Variants in ESR1 observed in about 807,000 individuals in gnomAD.
ESR1 encodes estrogen receptor.
A neutral mutation model predicts 52.7 loss-of-function variants in ESR1; 12 were observed. That is an observed-to-expected ratio of 0.23 (90% CI 0.15 to 0.37). The LOEUF is 0.37. Among genes scored for constraint, ESR1 ranks in the 10% least tolerant of loss-of-function variants. ESR1 has a pLI of 1.00. For missense variants in ESR1, 584 were observed against 779.7 expected (o/e 0.75, Z 2.99); for synonymous variants, 305 against 316.8 (o/e 0.96, Z 0.39).
chr6:152,060,907 A>C, intron 5 of ESR1, 84 bp from the exon 6 acceptor site: 1 of 1,119,532 alleles, frequency 8.9e-7, no homozygotes, highest in East Asian at 2.6e-5. Context: ...ATTTTTATGA[A>C]TGTGAACCCT....
At chr6:151,823,709 A>G (rs1430465278) in intron 1 of ESR1, among the ~76,000 whole-genome samples, 2 of 151,474 alleles carry the variant, frequency 1.3e-5, no homozygotes, top group Admixed American at 6.6e-5. Flanking sequence ...CCTATGAGTG[A>G]GAACATGCGG....
chr6:151,715,166 C>T (rs908587882), intron 2 of ESR1, among the ~76,000 whole-genome samples: 1 of 152,130 alleles, frequency 6.6e-6, no homozygotes, highest in Non-Finnish European at 1.5e-5. Context: ...ATATTGGCCC[C>T]CACTCTCTTC....
intron 5 of ESR1, among the ~76,000 whole-genome samples, chr6:152,028,603 G>A (rs981460750): frequency 5.3e-5 from 8 of 152,162 alleles, no homozygotes; most frequent in African/African-American, 1.4e-4. Context: ...GGGGACGGGC[G>A]CCTGCCATTG....
intron 4 of ESR1, among the ~76,000 whole-genome samples, chr6:151,996,032 C>T (rs1323942101): frequency 6.6e-6 from 1 of 152,192 alleles, no homozygotes; most frequent in Non-Finnish European, 1.5e-5. Context: ...CTTAAGTACT[C>T]ACAGCTGCAT....
At chr6:151,670,736 G>A (rs142475994) in intron 1 of ESR1, among the ~76,000 whole-genome samples, 1,467 of 144,602 alleles carry the variant, frequency 0.01, 10 homozygotes, top group Non-Finnish European at 0.015. Flanking sequence ...GGCTTGCGCC[G>A]TTACACCCAG....
At chr6:151,709,629 CT>C (rs897343357) in intron 2 of ESR1, among the ~76,000 whole-genome samples, 59 of 152,160 alleles carry the variant, frequency 3.9e-4, no homozygotes, top group African/African-American at 1.4e-3. Context: ...CACTTTTAAT[CT>C]TTTGTCCTTT....
rs114108220 is a variant in ESR1 at position 151,781,985 on chromosome 6, C to T, written c.-70-25858C>T. Among the ~76,000 whole-genome samples, 97 of 152,234 alleles carry T rather than the reference C, an allele frequency of 6.4e-4. 1 individual carries two copies. Among genetic ancestry groups the T allele is most frequent in the African/African-American group, 2.2e-3 (93 of 41,540 alleles). ...GAAATAATAACTAAAATACTAAGGA[C>T]GAGATGCACATGGGAAAAGTTCTTC... On this transcript the variant is annotated intron_variant, in intron 2 of 2. Transcript: ENST00000404742.
chr6:151,696,514 ATAAATAAG>A (rs1388397593), intron 1 of ESR1, among the ~76,000 whole-genome samples: 2 of 136,348 alleles, frequency 1.5e-5, no homozygotes, highest in East Asian at 2.0e-4. Context: ...AAATAAATAA[ATAAATAAG>A]TAGTGCCTCG....
At chr6:151,682,180 C>A (rs1157117461) in intron 1 of ESR1, among the ~76,000 whole-genome samples, 1 of 152,174 alleles carries the variant, frequency 6.6e-6, no homozygotes, top group East Asian at 1.9e-4. Flanking sequence ...TTTTCATAGC[C>A]TGTTGTTTAA....
At position 151,972,875 on chromosome 6, in the gene ESR1, TAA is replaced by T. The variant is rs532820297; in HGVS notation, c.1096+28368_1096+28369del. Among the ~76,000 whole-genome samples the T allele has an allele frequency of 2.3e-4, 35 of 152,226 alleles. No homozygotes were observed. In the East Asian group the frequency reaches 6.0e-3, roughly 26 times the overall value. On this transcript the variant is annotated intron_variant, in intron 4 of 7. Transcript: ENST00000206249. ...AGCCTTCAGTCTGTGGTTGAAGGTA[TAA>T]GAGTCCCAAAGCTGAAGAACTTCAC...
intron 5 of ESR1, among the ~76,000 whole-genome samples, chr6:152,054,356 G>A (rs570014128): frequency 2.6e-5 from 4 of 152,048 alleles, no homozygotes; most frequent in South Asian, 2.1e-4. Flanking sequence ...GCCTAACACC[G>A]AGGATCATTT....
chr6:151,884,031 G>T (rs1300640046), intron 3 of ESR1, among the ~76,000 whole-genome samples: 1 of 152,172 alleles, frequency 6.6e-6, no homozygotes, highest in East Asian at 1.9e-4. Context: ...ACACAATTCA[G>T]TATGTGGCAA....
chr6:151,969,837 G>A (rs990107948), intron 4 of ESR1, among the ~76,000 whole-genome samples: 3 of 151,032 alleles, frequency 2.0e-5, no homozygotes, highest in Admixed American at 6.6e-5. Flanking sequence ...ATCCTATTCT[G>A]TGCTTTTGTT....
At chr6:151,841,454 C>T (rs1191177680) in intron 1 of ESR1, among the ~76,000 whole-genome samples, 1 of 152,196 alleles carries the variant, frequency 6.6e-6, no homozygotes, top group Admixed American at 6.5e-5. Context: ...TGTTGGACTT[C>T]TCTGCCCCAT....
At chr6:152,089,801 A>G (rs2050034532) in intron 6 of ESR1, among the ~76,000 whole-genome samples, 1 of 151,502 alleles carries the variant, frequency 6.6e-6, no homozygotes, top group Admixed American at 6.6e-5. Context: ...ATGGTCTTGA[A>G]CTCCTCATCT....
chr6:151,961,004 T>C (rs2037592675), intron 4 of ESR1, among the ~76,000 whole-genome samples: 2 of 152,292 alleles, frequency 1.3e-5, no homozygotes, highest in Middle Eastern at 3.4e-3. Context: ...ACAACTGATA[T>C]GGGGAAGTCT....
intron 7 of ESR1, among the ~76,000 whole-genome samples, chr6:152,095,594 C>T (rs2050543449): frequency 6.6e-6 from 1 of 152,206 alleles, no homozygotes; most frequent in Admixed American, 6.5e-5. Flanking sequence ...CTCATGTCCA[C>T]TGACATTTCA....
chr6:151,776,138 G>A (rs529562763), intron 2 of ESR1, among the ~76,000 whole-genome samples: 3 of 152,302 alleles, frequency 2.0e-5, no homozygotes, highest in African/African-American at 7.2e-5. Flanking sequence ...AAGAGGCTGG[G>A]TCAGAGGGGA....
intron 1 of ESR1, among the ~76,000 whole-genome samples, chr6:151,659,047 C>A (rs982302590): frequency 4.6e-5 from 7 of 152,148 alleles, no homozygotes; most frequent in Non-Finnish European, 8.8e-5. Context: ...GAGTTTCGAT[C>A]TTGTTGCCCA....
Sources: gnomAD v4.1 joint callset for allele counts (sites outside exome capture counted in the v4.1 genomes callset) on GRCh38, gnomAD v4.1.1 for gene constraint, MANE v1.5 for transcripts, NCBI Gene and HGNC (gene_info 2026-07-23, HGNC 2026-07-21) for gene names.